ESF1: variants seen among roughly 807,000 people sequenced by gnomAD.
The protein encoded by ESF1 is ESF1 homolog.
Under a neutral mutation model 92.0 loss-of-function variants are expected in ESF1, and 58 were observed. That is an observed-to-expected ratio of 0.63 (90% CI 0.51 to 0.78). The LOEUF is 0.78. ESF1 is among the 30% of genes least tolerant of loss of function. ESF1 has a pLI of 0.00. For missense variants in ESF1, 922 were observed against 989.1 expected (o/e 0.93, Z 0.91); for synonymous variants, 321 against 313.7 (o/e 1.02, Z -0.24).
intron 11 of ESF1, among the ~76,000 whole-genome samples, chr20:13,723,706 T>C (rs1435615766): frequency 2.6e-5 from 4 of 152,152 alleles, no homozygotes; most frequent in Admixed American, 6.5e-5. Flanking sequence ...CTCTATGGGA[T>C]TGCCTAGAGC....
chr20:13,771,318 T>C lies in ESF1; in HGVS notation c.1403+13A>G, dbSNP rs1467386787. 2 of 1,600,178 alleles carry C rather than the reference T, an allele frequency of 1.2e-6. No homozygotes were observed. Among genetic ancestry groups the C allele is most frequent in the Non-Finnish European group, 1.7e-6 (2 of 1,169,740 alleles). ...ACTAAAAGATTAAATTGGTAATACATACACTGGATTACCTTAGATCTATGA... is the reference window on the plus strand; with the variant it reads ...ACTAAAAGATTAAATTGGTAATACACACACTGGATTACCTTAGATCTATGA... On this transcript the variant is annotated intron_variant, in intron 6 of 13. Transcript: ENST00000617257.
At chr20:13,768,299 A>G (rs1300253427) in intron 7 of ESF1, among the ~76,000 whole-genome samples, 1 of 152,188 alleles carries the variant, frequency 6.6e-6, no homozygotes, top group African/African-American at 2.4e-5. Context: ...TGCAGAGTAC[A>G]GCTGTGGACA....
chr20:13,748,771 G>T (rs1978454501), intron 9 of ESF1, among the ~76,000 whole-genome samples: 1 of 150,900 alleles, frequency 6.6e-6, no homozygotes, highest in African/African-American at 2.4e-5. Flanking sequence ...GTATTTTTTA[G>T]TAGAGACAGG....
intron 11 of ESF1, among the ~76,000 whole-genome samples, chr20:13,725,605 T>G (rs2049896234): frequency 6.6e-6 from 1 of 152,200 alleles, no homozygotes; most frequent in African/African-American, 2.4e-5. Context: ...TCTCAGCTTC[T>G]TAAGCTTTTC....
At chr20:13,750,976 GATAA>G (rs1297948696) in intron 9 of ESF1, among the ~76,000 whole-genome samples, 1 of 151,988 alleles carries the variant, frequency 6.6e-6, no homozygotes, top group Non-Finnish European at 1.5e-5. Context: ...CTCTTAAAAA[GATAA>G]ATAAATAAAT....
chr20:13,744,711 T>C (rs2050037151), intron 9 of ESF1, among the ~76,000 whole-genome samples: 1 of 152,236 alleles, frequency 6.6e-6, no homozygotes, highest in Non-Finnish European at 1.5e-5. Context: ...TAACACATGG[T>C]GACTACTGTC....
At chr20:13,784,294 A>AC (rs1980504600) in intron 1 of ESF1, among the ~76,000 whole-genome samples, 1 of 79,622 alleles carries the variant, frequency 1.3e-5, no homozygotes, top group African/African-American at 4.4e-5. Flanking sequence ...ACCCCCCCCC[A>AC]AAATGATTAA....
chr20:13,718,947 G>T lies in ESF1; in HGVS notation c.2076C>A (p.Gly692=). The change falls in exon 12 of 14, where the codon GGC becomes GGA. Residue 692 remains glycine (G), a synonymous_variant. Coordinates refer to ENST00000617257, the MANE Select transcript of ESF1 (RefSeq NM_001276380.2). ...NKKSVKSAKD[G]TSPEEEIEIE... ...TTTCAATTTCTTCTTCTGGAGATGT[G>T]CCATCTTTTGCAGATTTTACCGATT... The T allele has an allele frequency of 6.2e-7, 1 of 1,603,962 alleles. No homozygotes were observed.
At chr20:13,772,672 A>G in intron 4 of ESF1, 57 bp from the exon 5 acceptor site, 1 of 1,259,224 alleles carries the variant, frequency 7.9e-7, no homozygotes, top group Non-Finnish European at 1.2e-6. Flanking sequence ...ACAAATATCT[A>G]GACCTGTCGA....
At chr20:13,771,763 C>T (rs1190720066) in intron 5 of ESF1, among the ~76,000 whole-genome samples, 2 of 152,006 alleles carry the variant, frequency 1.3e-5, no homozygotes, top group East Asian at 3.9e-4. Flanking sequence ...AGTTACTTTG[C>T]TATTACACAC....
At chr20:13,750,470 A>C (rs1373704112) in intron 9 of ESF1, among the ~76,000 whole-genome samples, 4 of 152,140 alleles carry the variant, frequency 2.6e-5, no homozygotes, top group Non-Finnish European at 5.9e-5. Context: ...GCCCCACTGC[A>C]CTCCAGCCTG....
intron 12 of ESF1, among the ~76,000 whole-genome samples, chr20:13,718,443 C>T (rs2147715749): frequency 6.6e-6 from 1 of 152,278 alleles, no homozygotes; most frequent in Middle Eastern, 3.4e-3. Flanking sequence ...AGGTTCACTG[C>T]ATTTCCAAGA....
intron 8 of ESF1, among the ~76,000 whole-genome samples, chr20:13,762,332 A>G (rs1404974473): frequency 1.3e-5 from 2 of 152,164 alleles, no homozygotes; most frequent in Non-Finnish European, 2.9e-5. Flanking sequence ...CCACAATAAT[A>G]ATGTTGGATG....
intron 9 of ESF1, among the ~76,000 whole-genome samples, chr20:13,740,946 G>A (rs890588252): frequency 6.6e-6 from 1 of 152,170 alleles, no homozygotes; most frequent in South Asian, 2.1e-4. Flanking sequence ...CTGGCTTGGT[G>A]CATCCAAGAT....
At chr20:13,782,403 T>C in intron 2 of ESF1, 101 bp downstream of exon 2, 1 of 1,019,586 alleles carries the variant, frequency 9.8e-7, no homozygotes, top group Non-Finnish European at 1.4e-6. Context: ...GACCATTCCA[T>C]AATACTATGA....
chr20:13,771,274 C>CT, intron 6 of ESF1, 57 bp downstream of exon 6: 2 of 1,494,634 alleles, frequency 1.3e-6, no homozygotes, highest in Non-Finnish European at 1.8e-6. Flanking sequence ...AAATATTTTA[C>CT]TTCTTATAAT....
rs143158179 is a variant in ESF1 at position 13,770,488 on chromosome 20, G to C, written c.1404-467C>G. Among the ~76,000 whole-genome samples, 194 of 152,268 alleles carry C rather than the reference G, an allele frequency of 1.3e-3. 2 individuals carry two copies. Among genetic ancestry groups the C allele is most frequent in the African/African-American group, 4.4e-3 (182 of 41,560 alleles). On this transcript the variant is annotated intron_variant, in intron 6 of 13. Coordinates refer to ENST00000617257, the MANE Select transcript of ESF1 (RefSeq NM_001276380.2). ...GGCTCAAGCGATCCTCTACAGGTGT[G>C]CGCCAACATGCCTGGCTAATTTTTA...
At chr20:13,753,316 C>T (rs1264150933) in intron 9 of ESF1, among the ~76,000 whole-genome samples, 1 of 151,490 alleles carries the variant, frequency 6.6e-6, no homozygotes, top group Non-Finnish European at 1.5e-5. Flanking sequence ...ACTGCTTCCC[C>T]TCTATCTCTT....
chr20:13,759,640 C>A, intron 9 of ESF1, 52 bp downstream of exon 9: 1 of 1,553,762 alleles, frequency 6.4e-7, no homozygotes. Flanking sequence ...TTAAAAGGTA[C>A]TCAACATGCT....
Sources: gnomAD v4.1 joint callset for allele counts (sites outside exome capture counted in the v4.1 genomes callset) on GRCh38, gnomAD v4.1.1 for gene constraint, MANE v1.5 for transcripts, NCBI Gene and HGNC (gene_info 2026-07-23, HGNC 2026-07-21) for gene names.